HCN2: variants seen among roughly 807,000 people sequenced by gnomAD.
HCN2 encodes the protein potassium/sodium hyperpolarization-activated cyclic nucleotide-gated channel 2.
A neutral mutation model predicts 52.3 loss-of-function variants in HCN2; 20 were observed. The ratio of observed to expected loss-of-function variants is 0.38; its 90% CI spans 0.27 to 0.56. The LOEUF (loss-of-function observed/expected upper bound fraction) is 0.56, where lower values mean the gene tolerates loss of function less well. HCN2 is among the 20% of genes least tolerant of loss of function. The pLI, the probability that HCN2 is intolerant of heterozygous loss-of-function variation, is 0.71. For synonymous variants in HCN2, 694 were observed against 537.0 expected (o/e 1.29, Z -4.04); for missense variants, 981 against 1,207.7 (o/e 0.81, Z 2.78).
intron 7 of HCN2, among the ~76,000 whole-genome samples, chr19:614,868 C>T (rs1243350560): frequency 2.0e-5 from 3 of 152,046 alleles, no homozygotes; most frequent in Non-Finnish European, 4.4e-5. Context: ...ATGTAGGCGC[C>T]AGAGAGATGG....
Position 590,542 on chromosome 19 carries a change from G to A in HCN2, c.597G>A (p.Ala199=). The A allele has an allele frequency of 6.6e-7, 1 of 1,506,704 alleles. No homozygotes were observed. Among genetic ancestry groups the A allele is most frequent in the Non-Finnish European group, 8.9e-7 (1 of 1,120,404 alleles). 93.3% of individuals were successfully genotyped at this position (1,506,704 alleles called of 1,614,324 possible). ...VEREQERVKS[A]GAWIIHPYSD... ...GCGAGCAGGAGCGCGTCAAGTCGGC[G>A]GGGGCCTGGATCATCCACCCGTACA... is the stretch of plus-strand genomic sequence containing the variant. Residue 199 remains alanine (A), a synonymous_variant, in exon 1 of 8, where the codon GCG becomes GCA. Transcript: ENST00000251287. The surrounding 1 kb of genome is among the most constrained non-coding windows in gnomAD (Gnocchi z 7.2).
Position 603,643 on chromosome 19 carries a change from G to C in HCN2, c.732G>C (p.Trp244Cys), listed in dbSNP as rs779025391. ...TCAAGGATGAGACCACTGCCCCGTG[G>C]ATCGTGTTCAACGTGGTCTCGGACA... ...TFFKDETTAPWIVFNVVSDTF... is the reference protein window; with the variant it reads ...TFFKDETTAPCIVFNVVSDTF... The change falls in exon 2 of 8, where the codon TGG becomes TGC. Residue 244 changes from tryptophan to cysteine, a missense_variant. This residue lies in a region of HCN2 where 282 missense variants were observed against 553.8 expected (regional missense o/e 0.51). Coordinates refer to ENST00000251287, the MANE Select transcript of HCN2 (RefSeq NM_001194.4). The C allele has an allele frequency of 6.2e-7, 1 of 1,612,572 alleles. No homozygotes were observed. Among genetic ancestry groups the C allele is most frequent in the African/African-American group, 1.3e-5 (1 of 74,972 alleles).
intron 1 of HCN2, among the ~76,000 whole-genome samples, chr19:595,285 C>T (rs1428353597): frequency 1.3e-5 from 2 of 151,166 alleles, no homozygotes; most frequent in East Asian, 1.9e-4. Flanking sequence ...CCCTGCCTCA[C>T]CCCCCACCCC....
intron 5 of HCN2, among the ~76,000 whole-genome samples, chr19:612,392 T>TGG (rs1983673822): frequency 1.6e-5 from 1 of 62,346 alleles, no homozygotes; most frequent in Non-Finnish European, 3.3e-5. Flanking sequence ...AGCTTTCCAC[T>TGG]GGTGTGTGTG....
rs572943723 is a variant in HCN2, at chr19:610,190, A to C, written c.1438-69A>C. On this transcript the variant is annotated intron_variant, in intron 4 of 7. Coordinates refer to ENST00000251287, the MANE Select transcript of HCN2 (RefSeq NM_001194.4). ...ACCCAGCCTCGCCTCCCCACAGTAC[A>C]AGCAGGTGCCCCTGTGCCCGCTGCA... The C allele has an allele frequency of 1.3e-4, 197 of 1,543,210 alleles. No homozygotes were observed. In the East Asian group the frequency reaches 4.5e-3, roughly 35 times the overall value.
chr19:598,382 C>G (rs975858231), intron 1 of HCN2, among the ~76,000 whole-genome samples: 9 of 151,906 alleles, frequency 5.9e-5, no homozygotes, highest in Non-Finnish European at 1.3e-4. Flanking sequence ...TTTTGGCTCA[C>G]TGCAGCCTCG....
chr19:616,211 C>A lies in HCN2; in HGVS notation c.2407C>A (p.Leu803Ile). Reference protein sequence around the residue: ...SPYGGLPAAPLAGPALPARRL... With the variant: ...SPYGGLPAAPIAGPALPARRL... ...CTACGGCGGCCTGCCCGCCGCCCCC[C>A]TTGCTGGGCCCGCCCTGCCCGCGCG... The change falls in exon 8 of 8, where the codon CTT becomes ATT. Residue 803 changes from leucine (L) to isoleucine (I), a missense_variant. By Grantham distance (5) the Leu-to-Ile change is conservative. Transcript: ENST00000251287. 6 of 987,636 alleles carry A rather than the reference C, an allele frequency of 6.1e-6. No individual in the cohort carries two copies. The highest frequency in any genetic ancestry group is 7.2e-6 in the Non-Finnish European group (6 of 832,680). 61.2% of individuals were successfully genotyped at this position (987,636 alleles called of 1,614,324 possible).
Position 616,998 on chromosome 19 carries a change from GAGGCAGGCCTGGCTGCGCA to G in HCN2, c.*525_*543del. On this transcript the variant is annotated 3_prime_UTR_variant, in exon 8 of 8. Coordinates refer to ENST00000251287, the MANE Select transcript of HCN2 (RefSeq NM_001194.4). ...CGCCTCCCTCCAGCACTGGCACCGA[GAGGCAGGCCTGGCTGCGCA>G]GGGCGCGGGGGGGAGGCTGGGGTCC... 5.9e-6 allele frequency: 3 copies of G among 504,846 alleles called. No homozygotes were observed. In the South Asian group the frequency reaches 6.1e-5, roughly 10 times the overall value. The allele number at this position is 504,846 out of a possible 1,614,324, so 31.3% of individuals were successfully genotyped here. A position where few individuals can be genotyped will look rare whatever the true frequency, so the allele number is the denominator to read the frequency against.
chr19:595,726 C>T (rs1005638116), intron 1 of HCN2, among the ~76,000 whole-genome samples: 2 of 152,232 alleles, frequency 1.3e-5, no homozygotes, highest in African/African-American at 4.8e-5. Context: ...CCCGGGAACC[C>T]GAGATCTCCC....
rs573068230 is a variant in HCN2 at position 606,848 on chromosome 19, C to T, written c.1219-1116C>T. 1.1e-4 allele frequency among the ~76,000 whole-genome samples: 8 copies of T among 71,560 alleles called. No individual in the cohort carries two copies. The South Asian group carries it at 2.4e-3, about 21-fold the overall frequency. 46.9% of individuals were successfully genotyped at this position (71,560 alleles called of 152,430 possible). A position where few individuals can be genotyped will look rare whatever the true frequency, so the allele number is the denominator to read the frequency against. ...CCTGGGCAACAGAGCCAGACTTTGT[C>T]TCAAAAAAAATAAATAAAAATAAGT... is the stretch of plus-strand genomic sequence containing the variant. On this transcript the variant is annotated intron_variant, in intron 3 of 7. Coordinates refer to ENST00000251287, the MANE Select transcript of HCN2 (RefSeq NM_001194.4).
Position 590,057 on chromosome 19 carries a change from C to A in HCN2, c.112C>A (p.Pro38Thr). The change falls in exon 1 of 8, where the codon CCG (proline) becomes ACG (threonine). Residue 38 changes from proline to threonine, a missense_variant. Coordinates refer to ENST00000251287, the MANE Select transcript of HCN2 (RefSeq NM_001194.4). This position sits in a 1 kb window ranked among gnomAD's most constrained non-coding sequence, Gnocchi z 7.2. ...PAPPQQQPPP[P>T]PPPAPPPGPG... ...GCCCCCCCAACAGCAGCCGCCGCCG[C>A]CGCCGCCGCCCGCGCCCCCCCCGGG... is the stretch of plus-strand genomic sequence containing the variant. 2 of 650,166 alleles carry A rather than the reference C, an allele frequency of 3.1e-6. No homozygotes were observed. Among genetic ancestry groups the A allele is most frequent in the Non-Finnish European group, 3.8e-6 (2 of 532,556 alleles). The allele number at this position is 650,166 out of a possible 1,614,324, so 40.3% of individuals were successfully genotyped here.
At chr19:614,341 C>T (rs1983807062) in intron 7 of HCN2, among the ~76,000 whole-genome samples, 1 of 152,190 alleles carries the variant, frequency 6.6e-6, no homozygotes. Flanking sequence ...GTGCCGAATG[C>T]TCGGTGAGCA....
intron 3 of HCN2, among the ~76,000 whole-genome samples, chr19:607,166 C>G (rs939846199): frequency 7.2e-5 from 11 of 152,168 alleles, no homozygotes. Flanking sequence ...AGCGAAACTC[C>G]GTCAAAAAAG....
chr19:604,152 G>A lies in HCN2; in HGVS notation c.1056+185G>A, dbSNP rs1315934521. ...GGGTGGGGCTATGGGAGATCTGGGT[G>A]GGGTCAAGGCCCCAGGGATGGGGCT... On this transcript the variant is annotated intron_variant, in intron 2 of 7. Coordinates refer to ENST00000251287, the MANE Select transcript of HCN2 (RefSeq NM_001194.4). 2.7e-5 allele frequency among the ~76,000 whole-genome samples: 2 copies of A among 75,038 alleles called. 1 individual carries two copies. The highest frequency in any genetic ancestry group is 1.7e-4 in the African/African-American group (2 of 11,622). The allele number at this position is 75,038 out of a possible 152,430, so 49.2% of individuals were successfully genotyped here.
intron 3 of HCN2, among the ~76,000 whole-genome samples, chr19:605,471 T>A (rs1428616193): frequency 3.1e-5 from 1 of 32,160 alleles, no homozygotes; most frequent in African/African-American, 3.4e-4. Flanking sequence ...AGGGGAGGAC[T>A]CGGGCCCTTA....
At chr19:603,238 T>G (rs1196936803) in intron 1 of HCN2, among the ~76,000 whole-genome samples, 2 of 103,506 alleles carry the variant, frequency 1.9e-5, no homozygotes, top group Admixed American at 1.0e-4. Flanking sequence ...CAGGGAGGAA[T>G]GCCCGGGGCT....
chr19:610,140 C>T (rs183674510), intron 4 of HCN2, 119 bp from the exon 5 acceptor site: 139 of 1,246,496 alleles, frequency 1.1e-4, no homozygotes, highest in South Asian at 4.5e-4. Context: ...CCCGTGTGCC[C>T]GCTGCAGGCT....
rs375518202 is a variant in HCN2, at chr19:605,234, G to A, written c.1218+12G>A. ...TCAATGGCATGGTGGTGAGCGCCGC[G>A]GGCCCTGACGGAGGGGGAGACGCAG... is the stretch of plus-strand genomic sequence containing the variant. On this transcript the variant is annotated intron_variant, in intron 3 of 7. Transcript: ENST00000251287. The A allele has an allele frequency of 1.5e-4, 235 of 1,608,660 alleles. No individual in the cohort carries two copies. The highest frequency in any genetic ancestry group is 1.9e-4 in the Non-Finnish European group (224 of 1,178,410).
Position 616,921 on chromosome 19 carries a change from G to A in HCN2, c.*447G>A, listed in dbSNP as rs973491106. 6 of 327,442 alleles carry A rather than the reference G, an allele frequency of 1.8e-5. No homozygotes were observed. The highest frequency in any genetic ancestry group is 9.1e-5 in the African/African-American group (4 of 44,098). 20.3% of individuals were successfully genotyped at this position (327,442 alleles called of 1,614,324 possible). A position where few individuals can be genotyped will look rare whatever the true frequency, so the allele number is the denominator to read the frequency against. On this transcript the variant is annotated 3_prime_UTR_variant, in exon 8 of 8. Transcript: ENST00000251287. Reference sequence around the variant, plus strand: ...CCCCCATCGCGCTCACGCAATAACCGGCCCGGCCCCCGTCCGCGCGCGTCC... The same window carrying A: ...CCCCCATCGCGCTCACGCAATAACCAGCCCGGCCCCCGTCCGCGCGCGTCC...
Sources: allele counts gnomAD v4.1 joint callset (sites outside exome capture counted in the v4.1 genomes callset), GRCh38; gene constraint gnomAD v4.1.1; regional missense constraint gnomAD v4.1.1; non-coding constraint Gnocchi (gnomAD v3.1); transcripts MANE v1.5; gene names NCBI Gene and HGNC (gene_info 2026-07-23, HGNC 2026-07-21).